Variants in CDIN1 observed in about 807,000 individuals in gnomAD.
CDIN1 encodes the protein CDAN1-interacting nuclease 1.
Under a neutral mutation model 45.3 loss-of-function variants are expected in CDIN1, and 33 were observed. That is an observed-to-expected ratio of 0.73 (90% CI 0.55 to 0.97). The LOEUF (loss-of-function observed/expected upper bound fraction) is 0.97, where lower values mean the gene tolerates loss of function less well. CDIN1 is among the 50% of genes least tolerant of loss of function. The pLI is 0.00. For missense variants in CDIN1, 303 were observed against 339.4 expected, an observed-to-expected ratio of 0.89 and a Z score of 0.84; for synonymous variants, 118 against 124.4, an observed-to-expected ratio of 0.95 and a Z score of 0.34.
At chr15:36,731,830 A>G (rs998198510) in intron 10 of CDIN1, among the ~76,000 whole-genome samples, 4 of 152,176 alleles carry the variant, frequency 2.6e-5, no homozygotes, top group African/African-American at 7.2e-5. Flanking sequence ...TTTCTTTCCC[A>G]GGATTATTAA....
intron 1 of CDIN1, chr15:36,617,201 G>T (rs1391300805): frequency 6.9e-6 from 6 of 865,534 alleles, no homozygotes; most frequent in Non-Finnish European, 1.0e-5. Context: ...GTAACTCATA[G>T]AACTGAAAGC....
intron 10 of CDIN1, among the ~76,000 whole-genome samples, chr15:36,802,677 TAAAAA>T (rs764941729): frequency 3.3e-5 from 5 of 151,136 alleles, no homozygotes; most frequent in Non-Finnish European, 7.4e-5. Flanking sequence ...TTTTATACTT[TAAAAA>T]AAAAGAGTAA....
At chr15:36,792,270 T>G (rs548463352) in intron 10 of CDIN1, among the ~76,000 whole-genome samples, 1 of 152,302 alleles carries the variant, frequency 6.6e-6, no homozygotes, top group East Asian at 1.9e-4. Flanking sequence ...TGTCAGAGCA[T>G]CGAAGTGTAG....
intron 10 of CDIN1, among the ~76,000 whole-genome samples, chr15:36,764,850 C>T (rs2053869916): frequency 6.6e-6 from 1 of 152,112 alleles, no homozygotes; most frequent in Non-Finnish European, 1.5e-5. Context: ...AGACACATGC[C>T]CTTCTTTGCC....
intron 1 of CDIN1, 37 bp downstream of exon 1, chr15:36,579,998 C>G (rs775187151): frequency 6.3e-7 from 1 of 1,583,118 alleles, no homozygotes; most frequent in South Asian, 1.1e-5. Context: ...AGCCCTTTGC[C>G]TGCAGCAGCA....
chr15:36,796,800 CATTA>C (rs1431463079), intron 10 of CDIN1, among the ~76,000 whole-genome samples: 1 of 152,202 alleles, frequency 6.6e-6, no homozygotes, highest in Non-Finnish European at 1.5e-5. Flanking sequence ...GCAGATCCAG[CATTA>C]ATTAAGCTAT....
intron 3 of CDIN1, among the ~76,000 whole-genome samples, chr15:36,648,019 T>G (rs1030435860): frequency 3.9e-5 from 6 of 152,116 alleles, no homozygotes; most frequent in Admixed American, 2.6e-4. Flanking sequence ...TTTTGTATTT[T>G]TAGTAGAGAC....
chr15:36,644,285 C>A lies in CDIN1; in HGVS notation c.109C>A (p.Gln37Lys), dbSNP rs753184760. ...KLKQRFPSQS[Q>K]ATLLSIFSQE... ...TTCTTTTATTTGTTCCAGTCAATCG[C>A]AGGCCACTCTGCTGAGCATCTTCTC... Residue 37 changes from glutamine (Q) to lysine (K), a missense_variant, in exon 2 of 11, where the codon CAG becomes AAG. Gln to Lys is a moderately conservative substitution (Grantham distance 53). Coordinates refer to ENST00000566621, the MANE Select transcript of CDIN1 (RefSeq NM_001321759.2). 6.2e-7 allele frequency: 1 copy of A among 1,613,596 alleles called. No homozygotes were observed. The highest frequency in any genetic ancestry group is 1.3e-5 in the African/African-American group (1 of 74,924).
At chr15:36,751,229 TTATA>T (rs10557235) in intron 10 of CDIN1, among the ~76,000 whole-genome samples, 21,039 of 97,508 alleles carry the variant, frequency 0.22, 2,266 homozygotes, top group Non-Finnish European at 0.23. Context: ...TATGCTTATT[TTATA>T]TATATATATA....
chr15:36,617,655 T>C, intron 1 of CDIN1: 1 of 766,886 alleles, frequency 1.3e-6, no homozygotes, highest in South Asian at 1.3e-5. Flanking sequence ...ATGAGAAGGG[T>C]AAAAAAGTGA....
rs755848656 is a variant in CDIN1 at position 36,657,871 on chromosome 15, G to A, written c.312G>A (p.Leu104=). Reference sequence around the variant, plus strand: ...CCTCATTAATGGCTCGGCTTATACTGGAGAGGTTTCTACAGGAACACGAGG... The same window carrying A: ...CCTCATTAATGGCTCGGCTTATACTAGAGAGGTTTCTACAGGAACACGAGG... The part of the protein sequence containing the change: ...YAPSLMARLI[L]ERFLQEHEET... The change falls in exon 5 of 11, where the codon CTG becomes CTA. Residue 104 remains leucine (L), a synonymous_variant. Transcript: ENST00000566621. The A allele has an allele frequency of 1.2e-6, 2 of 1,611,864 alleles. No individual in the cohort carries two copies. The highest frequency in any genetic ancestry group is 1.7e-6 in the Non-Finnish European group (2 of 1,178,958).
intron 10 of CDIN1, among the ~76,000 whole-genome samples, chr15:36,742,256 C>T (rs1259110275): frequency 6.6e-6 from 1 of 152,032 alleles, no homozygotes; most frequent in Non-Finnish European, 1.5e-5. Context: ...CAATTTATAT[C>T]TATAAATACA....
intron 5 of CDIN1, among the ~76,000 whole-genome samples, chr15:36,665,081 T>C (rs544622040): frequency 6.6e-6 from 1 of 152,334 alleles, no homozygotes; most frequent in East Asian, 1.9e-4. Context: ...AATGAACTTA[T>C]TTTGGAATCT....
chr15:36,770,271 C>G (rs530166093), intron 10 of CDIN1, among the ~76,000 whole-genome samples: 2 of 147,380 alleles, frequency 1.4e-5, no homozygotes, highest in South Asian at 4.3e-4. Context: ...GTGGCTTGAT[C>G]AGGAAAAAAA....
At chr15:36,690,413 C>G (rs373709363) in intron 5 of CDIN1, among the ~76,000 whole-genome samples, 1 of 151,852 alleles carries the variant, frequency 6.6e-6, no homozygotes, top group Non-Finnish European at 1.5e-5. Context: ...GGACTACAGG[C>G]GCCCACCACC....
At chr15:36,620,126 C>T (rs1411151122) in intron 1 of CDIN1, among the ~76,000 whole-genome samples, 3 of 151,888 alleles carry the variant, frequency 2.0e-5, no homozygotes, top group Non-Finnish European at 4.4e-5. Context: ...CCGAGGTGGG[C>T]GGATCACGAG....
chr15:36,684,797 T>C (rs902713982), intron 5 of CDIN1, among the ~76,000 whole-genome samples: 2 of 151,454 alleles, frequency 1.3e-5, no homozygotes, highest in Non-Finnish European at 2.9e-5. Context: ...TTCTTCCTGG[T>C]TTAGTCTTGG....
At chr15:36,769,392 G>A (rs932682389) in intron 10 of CDIN1, among the ~76,000 whole-genome samples, 14 of 152,290 alleles carry the variant, frequency 9.2e-5, no homozygotes, top group Middle Eastern at 3.4e-3. Flanking sequence ...ACTCAAGCAG[G>A]ATTTCTGTGT....
At chr15:36,596,043 A>G (rs1200438827) in intron 1 of CDIN1, among the ~76,000 whole-genome samples, 3 of 152,206 alleles carry the variant, frequency 2.0e-5, no homozygotes, top group Non-Finnish European at 4.4e-5. Flanking sequence ...ATTCTAAAGA[A>G]TGAACTCCTT....
Sources: gnomAD v4.1 joint callset for allele counts (sites outside exome capture counted in the v4.1 genomes callset) on GRCh38, gnomAD v4.1.1 for gene constraint, MANE v1.5 for transcripts, NCBI Gene and HGNC (gene_info 2026-07-23, HGNC 2026-07-21) for gene names.